The following MMRN1 variants were observed in gnomAD, a reference collection of about 807,000 sequenced individuals.
The protein encoded by MMRN1 is multimerin 1, also known as multimerin-1.
Under a neutral mutation model 100.7 loss-of-function variants are expected in MMRN1, and 94 were observed. The observed-to-expected ratio is 0.93, with a 90% CI of 0.79 to 1.11. MMRN1 has a LOEUF of 1.11. Among genes scored for constraint, MMRN1 ranks in the 50% least tolerant of loss-of-function variants. The pLI is 0.00. For synonymous variants in MMRN1, 575 were observed against 505.0 expected, an observed-to-expected ratio of 1.14 and a Z score of -1.86; for missense variants, 1,606 against 1,439.1, an observed-to-expected ratio of 1.12 and a Z score of -1.88.
At chr4:89,903,952 C>G (rs778920979) in intron 1 of MMRN1, among the ~76,000 whole-genome samples, 1 of 149,294 alleles carries the variant, frequency 6.7e-6, no homozygotes, top group Non-Finnish European at 1.5e-5. Context: ...TTATTCACAC[C>G]TATGTGTGCA....
chr4:89,952,225 T>C (rs1723203346), intron 7 of MMRN1, among the ~76,000 whole-genome samples: 1 of 152,190 alleles, frequency 6.6e-6, no homozygotes, highest in Non-Finnish European at 1.5e-5. Context: ...TGAGAACTGT[T>C]AGAACATGCT....
chr4:89,894,384 G>T (rs969241231), upstream of MMRN1, among the ~76,000 whole-genome samples: 3 of 152,108 alleles, frequency 2.0e-5, no homozygotes, highest in African/African-American at 7.2e-5. Flanking sequence ...ATAATTCAGA[G>T]TATATGTACT....
chr4:89,931,957 C>A (rs1414858681), intron 5 of MMRN1, among the ~76,000 whole-genome samples: 1 of 152,162 alleles, frequency 6.6e-6, no homozygotes, highest in Non-Finnish European at 1.5e-5. Context: ...AACAGTCCCC[C>A]AAAGTCTTCA....
At chr4:89,951,806 C>A in intron 7 of MMRN1, 55 bp downstream of exon 7, 2 of 1,557,242 alleles carry the variant, frequency 1.3e-6, no homozygotes, top group African/African-American at 1.4e-5. Flanking sequence ...AATAGAAACA[C>A]GTTTTGAAAA....
At chr4:89,894,353 A>C (rs1261580680), upstream of MMRN1, among the ~76,000 whole-genome samples, 1 of 152,200 alleles carries the variant, frequency 6.6e-6, no homozygotes, top group Admixed American at 6.5e-5. Flanking sequence ...AAAGATATAC[A>C]TGTATGTAGA....
At position 89,936,377 on chromosome 4, in the gene MMRN1, A is replaced by G. The variant is rs763273480; in HGVS notation, c.2697A>G (p.Leu899=). ...ERDQALQLQV[L]NSRFKALEAK... is the part of the protein sequence containing the mutation. ...ATCAGGCTCTTCAACTGCAAGTATT[A>G]AATTCCAGATTTAAGGCGTTGGAAG... The change falls in exon 6 of 8, where the codon TTA becomes TTG. Residue 899 remains leucine, a synonymous_variant. Coordinates refer to ENST00000264790, the MANE Select transcript of MMRN1 (RefSeq NM_007351.3). 9.3e-6 allele frequency: 15 copies of G among 1,609,188 alleles called. No individual in the cohort carries two copies. The highest frequency in any genetic ancestry group is 1.2e-5 in the Non-Finnish European group (14 of 1,178,730).
intron 6 of MMRN1, among the ~76,000 whole-genome samples, chr4:89,937,752 G>A (rs1392323495): frequency 6.6e-6 from 1 of 152,076 alleles, no homozygotes; most frequent in African/African-American, 2.4e-5. Context: ...GACACTTGGA[G>A]AAGAGAGAGA....
intron 3 of MMRN1, among the ~76,000 whole-genome samples, chr4:89,917,421 T>C (rs1185701775): frequency 1.3e-5 from 2 of 151,850 alleles, no homozygotes; most frequent in East Asian, 3.9e-4. Context: ...ATCTGCCTCT[T>C]GATTATGATG....
intron 1 of MMRN1, among the ~76,000 whole-genome samples, chr4:89,887,846 A>G (rs527432445): frequency 1.3e-5 from 2 of 152,018 alleles, no homozygotes; most frequent in East Asian, 3.9e-4. Flanking sequence ...CAATCTCACC[A>G]TACATTATTG....
upstream of MMRN1, among the ~76,000 whole-genome samples, chr4:89,893,047 T>TCCAGATAAAGACA (rs551969322): frequency 2.2e-4 from 33 of 152,196 alleles, 1 homozygote; most frequent in South Asian, 5.0e-3. Context: ...GCTAGTTTCT[T>TCCAGATAAAGACA]CTGTGTTTTC....
In MMRN1 at chr4:89,912,102, A is replaced by G. The variant is rs775449608; in HGVS notation, c.850+52A>G. On this transcript the variant is annotated intron_variant, in intron 3 of 7. Coordinates refer to ENST00000264790, the MANE Select transcript of MMRN1 (RefSeq NM_007351.3). ...TTCTGAACAATAAGAAACTGATTCT[A>G]TTGAAGAAAAGAATAGCATTTCCCC... The G allele has an allele frequency of 1.6e-5, 20 of 1,276,950 alleles. 1 individual carries two copies. The highest frequency in any genetic ancestry group is 7.2e-5 in the Admixed American group (3 of 41,614). The allele number at this position is 1,276,950 out of a possible 1,614,324, so 79.1% of individuals were successfully genotyped here. A position where few individuals can be genotyped will look rare whatever the true frequency, so the allele number is the denominator to read the frequency against.
At chr4:89,923,121 C>G (rs1722142223) in intron 3 of MMRN1, 47 bp from the exon 4 acceptor site, 1 of 1,455,014 alleles carries the variant, frequency 6.9e-7, no homozygotes. Context: ...AAAAATGAGG[C>G]TGTCCCAGTG....
intron 6 of MMRN1, among the ~76,000 whole-genome samples, 180 bp downstream of exon 6, chr4:89,936,978 A>G (rs750222863): frequency 2.0e-4 from 30 of 152,232 alleles, no homozygotes; most frequent in Admixed American, 1.3e-3. Flanking sequence ...AGTATTTCAG[A>G]CATCAATACA....
intron 1 of MMRN1, among the ~76,000 whole-genome samples, chr4:89,906,810 A>G (rs924592148): frequency 6.6e-6 from 1 of 151,508 alleles, no homozygotes; most frequent in African/African-American, 2.4e-5. Context: ...CCTGGATCAA[A>G]GATTGCTGGG....
In MMRN1 at chr4:89,927,924, A is replaced by T; in HGVS notation, c.1085A>T (p.Lys362Ile). The T allele has an allele frequency of 6.2e-7, 1 of 1,606,920 alleles. No individual in the cohort carries two copies. The stretch of plus-strand genomic sequence containing the variant: ...AACACTTACTCCTCCCTAGAAGGAA[A>T]AGTCAGCGAAGATAAAAGCAGAGAA... The part of the protein sequence containing the change: ...VRNTYSSLEG[K>I]VSEDKSREFQ... Residue 362 changes from lysine (K) to isoleucine (I), a missense_variant, in exon 5 of 8, where the codon AAA becomes ATA. By Grantham distance (102) the Lys-to-Ile change is moderately radical. Coordinates refer to ENST00000264790, the MANE Select transcript of MMRN1 (RefSeq NM_007351.3).
intron 6 of MMRN1, among the ~76,000 whole-genome samples, chr4:89,937,105 AC>A (rs1233722658): frequency 5.9e-5 from 9 of 152,120 alleles, no homozygotes; most frequent in African/African-American, 2.2e-4. Flanking sequence ...AAGTAATTAA[AC>A]AAAGCTATTA....
Position 89,912,025 on chromosome 4 carries a change from C to G in MMRN1, c.825C>G (p.Tyr275Ter), listed in dbSNP as rs769717707. ...TSLDWRCCPG[Y>*]SGPKCQLRAQ... ...TGGATTGGAGGTGCTGTCCTGGATACAGTGGGCCGAAATGTCAACTAAGAG... is the reference window on the plus strand; with the variant it reads ...TGGATTGGAGGTGCTGTCCTGGATAGAGTGGGCCGAAATGTCAACTAAGAG... Residue 275 changes from tyrosine (Y) to a stop codon, truncating the protein, a stop_gained, in exon 3 of 8, where the codon TAC (tyrosine) becomes TAG (stop). Transcript: ENST00000264790. LOFTEE classifies it high-confidence loss of function. 24 of 1,599,672 alleles carry G rather than the reference C, an allele frequency of 1.5e-5. No individual in the cohort carries two copies. The highest frequency in any genetic ancestry group is 2.0e-5 in the Non-Finnish European group (23 of 1,171,778).
intron 3 of MMRN1, among the ~76,000 whole-genome samples, chr4:89,916,379 AAC>A (rs749255966): frequency 0.011 from 1,532 of 144,940 alleles, 28 homozygotes; most frequent in Middle Eastern, 0.039. Flanking sequence ...AAAAAAAACA[AAC>A]AAACAAACAA....
In MMRN1 at chr4:89,936,468, A is replaced by G. The variant is rs760801995; in HGVS notation, c.2788A>G (p.Met930Val). The G allele has an allele frequency of 6.8e-6, 11 of 1,612,870 alleles. No homozygotes were observed. In the East Asian group the frequency reaches 1.6e-4, roughly 23 times the overall value. ...LNKTLHEVLT[M>V]CHNASTSVSE... is the part of the protein sequence containing the mutation. ...CAAAACTCTCCACGAAGTTTTAACAATGTGTCACAATGCTTCTACAAGTGT... is the reference window on the plus strand; with the variant it reads ...CAAAACTCTCCACGAAGTTTTAACAGTGTGTCACAATGCTTCTACAAGTGT... The change falls in exon 6 of 8, where the codon ATG becomes GTG. Residue 930 changes from methionine to valine, a missense_variant. Transcript: ENST00000264790.
Sources: gnomAD v4.1 joint callset for allele counts (sites outside exome capture counted in the v4.1 genomes callset) on GRCh38, gnomAD v4.1.1 for gene constraint, MANE v1.5 for transcripts, NCBI Gene and HGNC (gene_info 2026-07-23, HGNC 2026-07-21) for gene names.